Variants in IFT122 observed in about 807,000 individuals in gnomAD.
IFT122 encodes intraflagellar transport 122, also known as intraflagellar transport protein 122 homolog.
In IFT122, 118 loss-of-function variants were observed where a neutral mutation model predicts 161.6. The observed-to-expected ratio is 0.73, with a 90% CI of 0.63 to 0.85. IFT122 has a LOEUF of 0.85. Among genes scored for constraint, IFT122 ranks in the 40% least tolerant of loss-of-function variants. The pLI is 0.00. For synonymous variants in IFT122, 550 were observed against 602.4 expected, an observed-to-expected ratio of 0.91 and a Z score of 1.27; for missense variants, 1,381 against 1,579.6, an observed-to-expected ratio of 0.87 and a Z score of 2.13.
rs143201652 is a variant in IFT122 at position 129,520,498 on chromosome 3, G to T, written c.*233G>T. ...ATATATTTTCTAAGGAAAAAAATCTGTTACTTTCAGAACGGCTCCGAGTTG... is the reference window on the plus strand; with the variant it reads ...ATATATTTTCTAAGGAAAAAAATCTTTTACTTTCAGAACGGCTCCGAGTTG... On this transcript the variant is annotated 3_prime_UTR_variant, in exon 30 of 30. Transcript: ENST00000348417. 3 of 605,196 alleles carry T rather than the reference G, an allele frequency of 5.0e-6. No homozygotes were observed. Among genetic ancestry groups the T allele is most frequent in the Non-Finnish European group, 8.9e-6 (3 of 336,190 alleles). 37.5% of individuals were successfully genotyped at this position (605,196 alleles called of 1,614,324 possible).
At chr3:129,465,122 TGTGTG>T in intron 7 of IFT122, among the ~76,000 whole-genome samples, 1 of 63,870 alleles carries the variant, frequency 1.6e-5, no homozygotes, top group Non-Finnish European at 2.4e-5. Context: ...TGAGTGTGTG[TGTGTG>T]TGTGTGTGTG....
intron 8 of IFT122, 49 bp downstream of exon 8, chr3:129,467,115 C>T: frequency 6.4e-7 from 1 of 1,559,078 alleles, no homozygotes; most frequent in Non-Finnish European, 8.8e-7. Context: ...GGCCCAGGCC[C>T]CACACAGACT....
chr3:129,440,490 C>A, intron 1 of IFT122, 119 bp downstream of exon 1: 1 of 1,245,154 alleles, frequency 8.0e-7, no homozygotes, highest in Middle Eastern at 2.6e-4. Flanking sequence ...GGGCACTGAA[C>A]CCCGGCCTGG....
chr3:129,471,162 A>T lies in IFT122; in HGVS notation c.816+1745A>T, dbSNP rs186560742. Among the ~76,000 whole-genome samples, 9 of 152,342 alleles carry T rather than the reference A, an allele frequency of 5.9e-5. No individual in the cohort carries two copies. In the East Asian group the frequency reaches 1.7e-3, roughly 29 times the overall value. On this transcript the variant is annotated intron_variant, in intron 9 of 29. Coordinates refer to ENST00000348417, the MANE Select transcript of IFT122 (RefSeq NM_052989.3). ...TGTGCAGTGAAGCCTTTAATTGCGT[A>T]GCATCCTTATTCCTCAAAACATGTC...
intron 7 of IFT122, among the ~76,000 whole-genome samples, chr3:129,466,594 C>G (rs1194156082): frequency 6.6e-6 from 1 of 150,466 alleles, no homozygotes; most frequent in Non-Finnish European, 1.5e-5. Context: ...CTCCGCCTCC[C>G]AGGTTCAAGC....
chr3:129,483,962 G>A (rs2078972111), intron 15 of IFT122: 13 of 496,140 alleles, frequency 2.6e-5, no homozygotes, highest in South Asian at 2.6e-4. Flanking sequence ...AGCAGCGTGT[G>A]TTTTGCAGAG....
At chr3:129,495,898 G>T (rs2080781756) in intron 18 of IFT122, among the ~76,000 whole-genome samples, 1 of 152,222 alleles carries the variant, frequency 6.6e-6, no homozygotes, top group South Asian at 2.1e-4. Flanking sequence ...CCTTCATTGA[G>T]TTGAGGGCTC....
intron 23 of IFT122, among the ~76,000 whole-genome samples, chr3:129,511,323 G>T (rs182727122): frequency 1.3e-4 from 20 of 152,314 alleles, no homozygotes; most frequent in Non-Finnish European, 2.8e-4. Flanking sequence ...CTAACAAAAG[G>T]TATAGAAATT....
intron 14 of IFT122, among the ~76,000 whole-genome samples, chr3:129,482,065 G>A (rs149203656): frequency 6.6e-6 from 1 of 152,374 alleles, no homozygotes; most frequent in African/African-American, 2.4e-5. Flanking sequence ...GCAGAAGTCT[G>A]TGTCTCACCT....
intron 12 of IFT122, 45 bp downstream of exon 12, chr3:129,478,263 G>C (rs2078194501): frequency 1.3e-6 from 2 of 1,556,064 alleles, no homozygotes; most frequent in East Asian, 4.5e-5. Context: ...TTCCATTTGT[G>C]CTCCCCCCCC....
chr3:129,485,772 C>G (rs2079200946), intron 15 of IFT122, among the ~76,000 whole-genome samples: 1 of 152,270 alleles, frequency 6.6e-6, no homozygotes, highest in South Asian at 2.1e-4. Context: ...CTTTAAGATT[C>G]AGCAGCAAAG....
intron 9 of IFT122, among the ~76,000 whole-genome samples, chr3:129,472,189 G>A (rs2077430191): frequency 6.6e-6 from 1 of 152,120 alleles, no homozygotes; most frequent in Non-Finnish European, 1.5e-5. Flanking sequence ...GCCTCACCCT[G>A]TTACCCAGGC....
chr3:129,441,769 C>T (rs568714891), intron 1 of IFT122, among the ~76,000 whole-genome samples: 1 of 152,102 alleles, frequency 6.6e-6, no homozygotes, highest in African/African-American at 2.4e-5. Context: ...GAAACACAGC[C>T]GTATCAGTGA....
intron 25 of IFT122, 115 bp from the exon 26 acceptor site, chr3:129,515,373 C>T: frequency 2.4e-6 from 2 of 843,576 alleles, no homozygotes; most frequent in Non-Finnish European, 4.0e-6. Context: ...CCTGCCTGCC[C>T]ACCCGGGTGG....
chr3:129,483,955 A>G (rs2078970192), intron 15 of IFT122: 1 of 511,982 alleles, frequency 2.0e-6, no homozygotes, highest in Non-Finnish European at 3.6e-6. Flanking sequence ...TGTTGTCAGC[A>G]GCGTGTGTTT....
At position 129,515,658 on chromosome 3, in the gene IFT122, C is replaced by G. The variant is rs368530570; in HGVS notation, c.3265+59C>G. 276 of 1,442,772 alleles carry G rather than the reference C, an allele frequency of 1.9e-4. 2 individuals are homozygous for G. The East Asian group carries it at 5.5e-3, about 29-fold the overall frequency. 89.4% of individuals were successfully genotyped at this position (1,442,772 alleles called of 1,614,324 possible). ...CAGCCTGTGGACAGCCAGGCTCACT[C>G]CACTGCTCTCTGGCCTCAGGACGTT... On this transcript the variant is annotated intron_variant, in intron 26 of 29. Coordinates refer to ENST00000348417, the MANE Select transcript of IFT122 (RefSeq NM_052989.3).
chr3:129,475,174 A>G (rs1043530834), intron 9 of IFT122, among the ~76,000 whole-genome samples: 1 of 152,162 alleles, frequency 6.6e-6, no homozygotes, highest in East Asian at 1.9e-4. Context: ...CAATAAGCAC[A>G]TGAAATGATG....
intron 16 of IFT122, among the ~76,000 whole-genome samples, chr3:129,489,879 A>G (rs1043046637): frequency 1.3e-5 from 2 of 151,256 alleles, no homozygotes; most frequent in African/African-American, 4.9e-5. Flanking sequence ...GGGAGGAGGC[A>G]TCTCTATGGA....
chr3:129,441,485 G>A (rs769612029), intron 1 of IFT122, among the ~76,000 whole-genome samples: 6 of 152,112 alleles, frequency 3.9e-5, no homozygotes, highest in Non-Finnish European at 7.3e-5. Context: ...TCTATTTTAT[G>A]TATGAGGAAA....
Sources: gnomAD v4.1 joint callset for allele counts (sites outside exome capture counted in the v4.1 genomes callset) on GRCh38, gnomAD v4.1.1 for gene constraint, MANE v1.5 for transcripts, NCBI Gene and HGNC (gene_info 2026-07-23, HGNC 2026-07-21) for gene names.